Variants in JAK2 observed in about 807,000 individuals in gnomAD.
JAK2 encodes tyrosine-protein kinase JAK2.
Under a neutral mutation model 139.3 loss-of-function variants are expected in JAK2, and 86 were observed. That is an observed-to-expected ratio of 0.62 (90% CI 0.52 to 0.74). The LOEUF is 0.74. JAK2 is among the 30% of genes least tolerant of loss of function. The probability of loss-of-function intolerance (pLI) is 0.00; values close to 1 mark genes in which losing one functional copy is unlikely to be tolerated. For missense variants in JAK2, 1,421 were observed against 1,360.3 expected, an observed-to-expected ratio of 1.04 and a Z score of -0.70; for synonymous variants, 490 against 437.7, an observed-to-expected ratio of 1.12 and a Z score of -1.49.
chr9:4,991,880 C>G (rs1316533935), intron 2 of JAK2, among the ~76,000 whole-genome samples: 1 of 152,186 alleles, frequency 6.6e-6, no homozygotes, highest in South Asian at 2.1e-4. Flanking sequence ...TATTTCTCTC[C>G]TCTTTTTCTT....
At chr9:5,096,667 T>A (rs546783550) in intron 22 of JAK2, 4 of 152,320 alleles carry the variant, frequency 2.6e-5, no homozygotes, top group African/African-American at 9.6e-5. Context: ...TTTCCACTTA[T>A]GTTCATCAAT....
At chr9:5,042,007 C>G (rs1388613729) in intron 4 of JAK2, 2 of 347,086 alleles carry the variant, frequency 5.8e-6, no homozygotes, top group African/African-American at 4.4e-5. Context: ...GGCCCACCCA[C>G]AGCGGCCCAG....
At chr9:5,111,453 C>G in intron 22 of JAK2, 4 of 389,770 alleles carry the variant, frequency 1.0e-5, no homozygotes, top group South Asian at 8.0e-5. Context: ...GGTCTTCCAT[C>G]CTCGGCGTAC....
chr9:5,025,594 C>T (rs1822732970), intron 3 of JAK2, among the ~76,000 whole-genome samples: 1 of 149,670 alleles, frequency 6.7e-6, no homozygotes, highest in East Asian at 2.0e-4. Context: ...AGTGCAGCAG[C>T]ATGATTATGG....
At chr9:5,029,338 C>T (rs1822989462) in intron 3 of JAK2, among the ~76,000 whole-genome samples, 1 of 151,986 alleles carries the variant, frequency 6.6e-6, no homozygotes, top group Non-Finnish European at 1.5e-5. Flanking sequence ...TCATAGCGGC[C>T]CCAAATGATT....
intron 8 of JAK2, among the ~76,000 whole-genome samples, chr9:5,057,923 T>G (rs1176320722): frequency 2.0e-5 from 3 of 152,150 alleles, no homozygotes; most frequent in Non-Finnish European, 4.4e-5. Context: ...TCTAGATACC[T>G]CATAAAAGCA....
intron 8 of JAK2, among the ~76,000 whole-genome samples, chr9:5,058,732 C>A (rs979355685): frequency 1.3e-5 from 2 of 152,172 alleles, no homozygotes; most frequent in African/African-American, 4.8e-5. Context: ...TAGTAGCCAT[C>A]TGATGGGTGT....
At chr9:5,031,226 G>A (rs534943577) in intron 4 of JAK2, among the ~76,000 whole-genome samples, 1 of 152,256 alleles carries the variant, frequency 6.6e-6, no homozygotes, top group East Asian at 1.9e-4. Flanking sequence ...TGTAAATTGA[G>A]AATTATTAAA....
intron 2 of JAK2, among the ~76,000 whole-genome samples, chr9:5,008,804 T>C (rs1821490184): frequency 6.6e-6 from 1 of 152,228 alleles, no homozygotes; most frequent in Admixed American, 6.5e-5. Flanking sequence ...CTATTATTTT[T>C]CTTCCCTGTG....
At chr9:5,043,544 C>G (rs1177937629) in intron 4 of JAK2, among the ~76,000 whole-genome samples, 1 of 152,076 alleles carries the variant, frequency 6.6e-6, no homozygotes, top group South Asian at 2.1e-4. Context: ...TTTGGCCATT[C>G]CTTAAAAGGG....
chr9:5,111,398 AGCG>A, intron 22 of JAK2: 1 of 403,454 alleles, frequency 2.5e-6, no homozygotes, highest in African/African-American at 2.1e-5. Context: ...AGAGGCGGAC[AGCG>A]GCCTGGACAC....
At chr9:5,052,253 C>T (rs985042598) in intron 6 of JAK2, among the ~76,000 whole-genome samples, 1 of 152,076 alleles carries the variant, frequency 6.6e-6, no homozygotes, top group Admixed American at 6.6e-5. Context: ...ATTGTAGTTT[C>T]TTCCAGTTTG....
rs556552344 is a variant in JAK2 at position 5,126,803 on chromosome 9, T to G, written c.*12T>G. On this transcript the variant is annotated 3_prime_UTR_variant, in exon 25 of 25. Transcript: ENST00000381652. Reference sequence around the variant, plus strand: ...ACATGGCTGGATGAAAGAAATGACCTTCATTCTGAGACCAAAGTAGATTTA... The same window carrying G: ...ACATGGCTGGATGAAAGAAATGACCGTCATTCTGAGACCAAAGTAGATTTA... The G allele has an allele frequency of 4.5e-6, 7 of 1,548,528 alleles. No homozygotes were observed. In the African/African-American group the frequency reaches 8.2e-5, roughly 18 times the overall value.
At chr9:4,985,884 G>C (rs527947137) in intron 1 of JAK2, 56 bp from the exon 2 acceptor site, 2 of 152,782 alleles carry the variant, frequency 1.3e-5, no homozygotes, top group Admixed American at 6.5e-5. Flanking sequence ...CCTAGAAAAA[G>C]CATTTGTTTC....
At chr9:5,107,960 C>G (rs1375533389) in intron 22 of JAK2, 1 of 152,006 alleles carries the variant, frequency 6.6e-6, no homozygotes, top group African/African-American at 2.4e-5. Context: ...ATGCTGTTAC[C>G]AATAATATGA....
chr9:5,124,121 A>G (rs891237076), intron 23 of JAK2, among the ~76,000 whole-genome samples: 3 of 151,892 alleles, frequency 2.0e-5, no homozygotes, highest in African/African-American at 7.2e-5. Context: ...TCCTTGTCAG[A>G]TACAAAGTTT....
chr9:5,037,467 A>T (rs928151189), intron 4 of JAK2, among the ~76,000 whole-genome samples: 18 of 152,246 alleles, frequency 1.2e-4, no homozygotes, highest in African/African-American at 4.1e-4. Flanking sequence ...TAGATGTCCA[A>T]CAATGATAGA....
intron 22 of JAK2, among the ~76,000 whole-genome samples, chr9:5,106,506 T>C (rs1488081065): frequency 6.6e-6 from 1 of 152,166 alleles, no homozygotes; most frequent in Non-Finnish European, 1.5e-5. Flanking sequence ...TCCTCAAGGA[T>C]CTAGAACTAG....
chr9:5,099,988 G>T (rs1053543188), intron 22 of JAK2: 1 of 152,160 alleles, frequency 6.6e-6, no homozygotes, highest in Admixed American at 6.5e-5. Context: ...AGTAATCATT[G>T]AAACCATTAG....
Sources: gnomAD v4.1 joint callset for allele counts (sites outside exome capture counted in the v4.1 genomes callset) on GRCh38, gnomAD v4.1.1 for gene constraint, MANE v1.5 for transcripts, NCBI Gene and HGNC (gene_info 2026-07-23, HGNC 2026-07-21) for gene names.